Variants in HEY2 observed in about 807,000 individuals in gnomAD.
HEY2 encodes hes related family bHLH transcription factor with YRPW motif 2, also known as hairy/enhancer-of-split related with YRPW motif protein 2.
HEY2 carries 10 observed loss-of-function variants against 18.1 expected under a neutral mutation model. That is an observed-to-expected ratio of 0.55 (90% CI 0.34 to 0.94). The LOEUF is 0.94. HEY2 is among the 40% of genes least tolerant of loss of function. HEY2 has a pLI of 0.02. For missense variants in HEY2, 455 were observed against 455.9 expected, an observed-to-expected ratio of 1.00 and a Z score of 0.02; for synonymous variants, 210 against 182.7, an observed-to-expected ratio of 1.15 and a Z score of -1.21.
chr6:125,752,239 G>A (rs1773562212), intron 3 of HEY2, 149 bp downstream of exon 3: 3 of 587,378 alleles, frequency 5.1e-6, no homozygotes, highest in Non-Finnish European at 9.1e-6. Flanking sequence ...CTGGCACAGA[G>A]CAGCTATTTC....
chr6:125,757,718 G>A (rs1430556966), intron 4 of HEY2, among the ~76,000 whole-genome samples: 1 of 152,230 alleles, frequency 6.6e-6, no homozygotes, highest in Non-Finnish European at 1.5e-5. Flanking sequence ...GGAAGCCGAG[G>A]CAGGAGAATG....
At position 125,760,875 on chromosome 6, in the gene HEY2, A is replaced by G. The variant is rs1773788614; in HGVS notation, c.*1073A>G. On this transcript the variant is annotated 3_prime_UTR_variant, in exon 5 of 5. Coordinates refer to ENST00000368364, the MANE Select transcript of HEY2 (RefSeq NM_012259.3). Reference sequence around the variant, plus strand: ...AATTTTTAAAGCTCTTTGTCAAGTTAGTGATTGCATTTGATCCCAAAACAA... The same window carrying G: ...AATTTTTAAAGCTCTTTGTCAAGTTGGTGATTGCATTTGATCCCAAAACAA... The G allele has an allele frequency of 6.5e-6, 1 of 152,686 alleles. No homozygotes were observed. Among genetic ancestry groups the G allele is most frequent in the South Asian group, 2.1e-4 (1 of 4,838 alleles). The allele number at this position is 152,686 out of a possible 1,614,324, so 9.5% of individuals were successfully genotyped here. A position where few individuals can be genotyped will look rare whatever the true frequency, so the allele number is the denominator to read the frequency against.
chr6:125,756,278 G>A (rs1562709206), intron 4 of HEY2, among the ~76,000 whole-genome samples: 1 of 152,172 alleles, frequency 6.6e-6, no homozygotes, highest in Non-Finnish European at 1.5e-5. Flanking sequence ...TTCAAGAAGG[G>A]AGCTGGCGGC....
At position 125,749,858 on chromosome 6, in the gene HEY2, G is replaced by C. The variant is rs760983884; in HGVS notation, c.82G>C (p.Gly28Arg). The change falls in exon 1 of 5, where the codon GGG becomes CGG. Residue 28 changes from glycine (G) to arginine (R), a missense_variant and splice_region_variant. Transcript: ENST00000368364. ...CGTGGGGAGCGAGAACAATTACTCG[G>C]GGTGAGCGCGGGCTCCGCGGGAGCG... is the stretch of plus-strand genomic sequence containing the variant. ...IDVGSENNYS[G>R]QSTSSVIRLN... 6 of 1,568,116 alleles carry C rather than the reference G, an allele frequency of 3.8e-6. No individual in the cohort carries two copies. The Admixed American group carries it at 5.6e-5, about 15-fold the overall frequency.
Position 125,759,884 on chromosome 6 carries a change from C to G in HEY2, c.*82C>G. 1.8e-6 allele frequency: 2 copies of G among 1,118,484 alleles called. No individual in the cohort carries two copies. The highest frequency in any genetic ancestry group is 2.6e-6 in the Non-Finnish European group (2 of 770,864). 69.3% of individuals were successfully genotyped at this position (1,118,484 alleles called of 1,614,324 possible). On this transcript the variant is annotated 3_prime_UTR_variant, in exon 5 of 5. Coordinates refer to ENST00000368364, the MANE Select transcript of HEY2 (RefSeq NM_012259.3). ...TAAAACCTCTGCACCCTGAAGGTAG[C>G]CATACAGATGCCGACAGATCCACAA...
Position 125,759,207 on chromosome 6 carries a change from T to C in HEY2, c.419T>C (p.Val140Ala). Residue 140 changes from valine to alanine, a missense_variant, in exon 5 of 5, where the codon GTG (valine) becomes GCG (alanine). Transcript: ENST00000368364. ...LTEVARYLSSVEGLDSSDPLR... is the reference protein window; with the variant it reads ...LTEVARYLSSAEGLDSSDPLR... ...GAAGTTGCGCGGTACCTGAGCTCCG[T>C]GGAAGGCCTGGACTCCTCGGATCCG... The C allele has an allele frequency of 1.2e-6, 2 of 1,613,246 alleles. No homozygotes were observed. Among genetic ancestry groups the C allele is most frequent in the South Asian group, 1.1e-5 (1 of 91,084 alleles).
rs1346195927 is a variant in HEY2, at chr6:125,759,643, A to G, written c.855A>G (p.Ala285=). 1.2e-6 allele frequency: 2 copies of G among 1,611,168 alleles called. No individual in the cohort carries two copies. Among genetic ancestry groups the G allele is most frequent in the Non-Finnish European group, 1.7e-6 (2 of 1,179,944 alleles). ...GCTTCCCTCTGTCCTTCGCGGGGGC[A>G]TTCCCCATGCTTCCCCCAAACGCAG... ...AHSFPLSFAG[A]FPMLPPNAAA... is the part of the protein sequence containing the mutation. Residue 285 remains alanine (A), a synonymous_variant, in exon 5 of 5, where the codon GCA becomes GCG. Coordinates refer to ENST00000368364, the MANE Select transcript of HEY2 (RefSeq NM_012259.3).
At chr6:125,751,929 AAC>A in intron 2 of HEY2, 50 bp downstream of exon 2, 1 of 1,580,996 alleles carries the variant, frequency 6.3e-7, no homozygotes, top group South Asian at 1.1e-5. Flanking sequence ...ACTATTGTGT[AAC>A]AGTTACATTT....
chr6:125,750,476 T>G (rs1204962814), intron 1 of HEY2: 7 of 875,830 alleles, frequency 8.0e-6, no homozygotes, highest in African/African-American at 1.8e-5. Context: ...ACCTCCACTT[T>G]CCTGTGACAG....
At position 125,759,589 on chromosome 6, in the gene HEY2, AGCC is replaced by A; in HGVS notation, c.804_806del (p.Ala271del). 1.2e-6 allele frequency: 2 copies of A among 1,610,366 alleles called. No individual in the cohort carries two copies. The highest frequency in any genetic ancestry group is 1.7e-6 in the Non-Finnish European group (2 of 1,179,744). On this transcript the variant is annotated inframe_deletion, in exon 5 of 5. Transcript: ENST00000368364. ...CCCTCTCTGCCACCGTCCACGCCGC[AGCC>A]GCAGCAGCCACCGCGGCTGCACACA...
chr6:125,759,115 A>G lies in HEY2; in HGVS notation c.329-2A>G. The G allele has an allele frequency of 6.3e-7, 1 of 1,585,336 alleles. No homozygotes were observed. Among genetic ancestry groups the G allele is most frequent in the Non-Finnish European group, 8.6e-7 (1 of 1,164,280 alleles). On this transcript the variant is annotated splice_acceptor_variant, in intron 4 of 4. Coordinates refer to ENST00000368364, the MANE Select transcript of HEY2 (RefSeq NM_012259.3). LOFTEE classifies it high-confidence loss of function. ...CCCTACTTTGCTCAAACCCACTTTT[A>G]GGCTACTTTGACGCACACGCTCTTG...
Position 125,759,189 on chromosome 6 carries a change from C to T in HEY2, c.401C>T (p.Ala134Val), listed in dbSNP as rs769963246. The change falls in exon 5 of 5, where the codon GCG (alanine) becomes GTG (valine). Residue 134 changes from alanine (A) to valine (V), a missense_variant. Transcript: ENST00000368364. ...TTCCGAGAGTGCCTAACAGAAGTTG[C>T]GCGGTACCTGAGCTCCGTGGAAGGC... is the stretch of plus-strand genomic sequence containing the variant. ...IGFRECLTEV[A>V]RYLSSVEGLD... The T allele has an allele frequency of 4.2e-5, 67 of 1,613,362 alleles. No individual in the cohort carries two copies. The highest frequency in any genetic ancestry group is 5.0e-5 in the Non-Finnish European group (59 of 1,179,934).
At chr6:125,754,955 C>T (rs952426585) in intron 4 of HEY2, among the ~76,000 whole-genome samples, 1 of 152,196 alleles carries the variant, frequency 6.6e-6, no homozygotes. Flanking sequence ...TCTTCCTACT[C>T]CTTCTCCTCC....
chr6:125,751,838 A>G lies in HEY2; in HGVS notation c.121A>G (p.Thr41Ala). ...CTCTGTGATTAGATTGAATTCTCCA[A>G]CAACAACATCTCAGATTATGGCAAG... ...TSSVIRLNSPTTTSQIMARKK... is the reference protein window; with the variant it reads ...TSSVIRLNSPATTSQIMARKK... Residue 41 changes from threonine (T) to alanine (A), a missense_variant, in exon 2 of 5, where the codon ACA becomes GCA. Transcript: ENST00000368364. 6.2e-7 allele frequency: 1 copy of G among 1,613,566 alleles called. No individual in the cohort carries two copies.
rs1273225367 is a variant in HEY2, at chr6:125,749,859, G to A, written c.83G>A (p.Gly28Glu). ...GTGGGGAGCGAGAACAATTACTCGG[G>A]GTGAGCGCGGGCTCCGCGGGAGCGG... ...IDVGSENNYS[G>E]QSTSSVIRLN... Residue 28 changes from glycine to glutamate, a missense_variant and splice_region_variant, in exon 1 of 5, where the codon GGG becomes GAG. By Grantham distance (98) the Gly-to-Glu change is moderately conservative. Coordinates refer to ENST00000368364, the MANE Select transcript of HEY2 (RefSeq NM_012259.3). The A allele has an allele frequency of 4.5e-6, 7 of 1,568,278 alleles. No individual in the cohort carries two copies. The highest frequency in any genetic ancestry group is 5.2e-6 in the Non-Finnish European group (6 of 1,157,210).
chr6:125,749,646 G>A lies in HEY2; in HGVS notation c.-131G>A, dbSNP rs981254857. 11 of 534,742 alleles carry A rather than the reference G, an allele frequency of 2.1e-5. No individual in the cohort carries two copies. The highest frequency in any genetic ancestry group is 8.6e-5 in the Admixed American group (2 of 23,302). 33.1% of individuals were successfully genotyped at this position (534,742 alleles called of 1,614,324 possible). ...TTGCGGCGTGGGAAAGAGCCGCTAGGAGCAGACCGCGCCGCCGCCGGAGCC... is the reference window on the plus strand; with the variant it reads ...TTGCGGCGTGGGAAAGAGCCGCTAGAAGCAGACCGCGCCGCCGCCGGAGCC... On this transcript the variant is annotated 5_prime_UTR_variant, in exon 1 of 5. Coordinates refer to ENST00000368364, the MANE Select transcript of HEY2 (RefSeq NM_012259.3).
intron 4 of HEY2, among the ~76,000 whole-genome samples, chr6:125,755,426 A>G (rs1773635458): frequency 6.6e-6 from 1 of 152,190 alleles, no homozygotes. Context: ...ATATTTAACA[A>G]CTGAATAAGG....
chr6:125,752,009 T>G lies in HEY2; in HGVS notation c.165T>G (p.Ile55Met). The change falls in exon 3 of 5, where the codon ATT becomes ATG. Residue 55 changes from isoleucine to methionine, a missense_variant and splice_region_variant. Coordinates refer to ENST00000368364, the MANE Select transcript of HEY2 (RefSeq NM_012259.3). The stretch of plus-strand genomic sequence containing the variant: ...TGTTGTTTGCTTCTTTTGGATAGAT[T>G]ATAGAGAAAAGGCGTCGGGATCGGA... ...QIMARKKRRGIIEKRRRDRIN... is the reference protein window; with the variant it reads ...QIMARKKRRGMIEKRRRDRIN... 1.2e-6 allele frequency: 2 copies of G among 1,613,128 alleles called. No individual in the cohort carries two copies.
At chr6:125,756,022 T>TA (rs1773647498) in intron 4 of HEY2, among the ~76,000 whole-genome samples, 1 of 152,342 alleles carries the variant, frequency 6.6e-6, no homozygotes, top group South Asian at 2.1e-4. Flanking sequence ...TTAGCATTGT[T>TA]AGCCACAAGG....
Sources: gnomAD v4.1 joint callset for allele counts (sites outside exome capture counted in the v4.1 genomes callset) on GRCh38, gnomAD v4.1.1 for gene constraint, MANE v1.5 for transcripts, NCBI Gene and HGNC (gene_info 2026-07-23, HGNC 2026-07-21) for gene names.